The following ROBO2 variants were observed in gnomAD, a reference collection of about 807,000 sequenced individuals.
ROBO2 encodes the protein roundabout homolog 2.
ROBO2 carries 53 observed loss-of-function variants against 160.8 expected under a neutral mutation model. That is an observed-to-expected ratio of 0.33 (90% CI 0.26 to 0.41). ROBO2 has a LOEUF of 0.41. Among genes scored for constraint, ROBO2 ranks in the 10% least tolerant of loss-of-function variants. ROBO2 has a pLI of 1.00. For missense variants in ROBO2, 1,577 were observed against 1,722.4 expected (o/e 0.92, Z 1.49); for synonymous variants, 664 against 611.7 (o/e 1.09, Z -1.26).
At chr3:77,440,375 C>T (rs2079787192) in intron 2 of ROBO2, among the ~76,000 whole-genome samples, 1 of 152,056 alleles carries the variant, frequency 6.6e-6, no homozygotes, top group African/African-American at 2.4e-5. Flanking sequence ...GTCTTTTGAT[C>T]TAAATAAAAG....
chr3:76,902,763 T>C (rs561334757), intron 2 of ROBO2, among the ~76,000 whole-genome samples: 12 of 152,026 alleles, frequency 7.9e-5, no homozygotes, highest in Non-Finnish European at 1.5e-4. Context: ...TGTAGAATTT[T>C]ATAAAAGTTT....
intron 2 of ROBO2, among the ~76,000 whole-genome samples, chr3:77,347,690 C>A (rs1366883218): frequency 1.3e-5 from 2 of 151,980 alleles, no homozygotes; most frequent in African/African-American, 4.8e-5. Flanking sequence ...TCTAAATAGA[C>A]CCCAAATTAG....
At chr3:76,827,579 G>A (rs980495311) in intron 2 of ROBO2, among the ~76,000 whole-genome samples, 1 of 152,074 alleles carries the variant, frequency 6.6e-6, no homozygotes, top group Non-Finnish European at 1.5e-5. Context: ...ACATTACAGG[G>A]TTCAAGTTTA....
intron 2 of ROBO2, among the ~76,000 whole-genome samples, chr3:76,637,424 A>T (rs894692155): frequency 4.8e-5 from 2 of 41,894 alleles, no homozygotes; most frequent in South Asian, 9.5e-4. Context: ...TTCTAGAAAT[A>T]AAAAAAAAAA....
intron 2 of ROBO2, among the ~76,000 whole-genome samples, chr3:76,077,137 TCAATAATTAATTGAGTC>T (rs2068668932): frequency 6.6e-6 from 1 of 152,212 alleles, no homozygotes; most frequent in African/African-American, 2.4e-5. Flanking sequence ...AATGGCAACT[TCAATAATTAATTGAGTC>T]CATGAATGGA....
chr3:77,113,151 G>A (rs1013223497), intron 2 of ROBO2, among the ~76,000 whole-genome samples: 2 of 152,186 alleles, frequency 1.3e-5, no homozygotes, highest in Non-Finnish European at 2.9e-5. Flanking sequence ...TAAATCAATT[G>A]CATTTTGTAG....
At chr3:77,632,450 C>T (rs1468936444) in intron 23 of ROBO2, 9 of 1,509,610 alleles carry the variant, frequency 6.0e-6, no homozygotes, top group Non-Finnish European at 8.0e-6. Flanking sequence ...ATACAACTCA[C>T]TAGACAACTA....
intron 2 of ROBO2, among the ~76,000 whole-genome samples, chr3:77,269,204 C>G (rs112488491): frequency 0.026 from 3,935 of 152,162 alleles, 58 homozygotes; most frequent in Middle Eastern, 0.041. Context: ...ATTTCATGTA[C>G]ACATATGCTG....
At chr3:77,081,081 A>G (rs1193724479) in intron 1 of ROBO2, among the ~76,000 whole-genome samples, 1 of 152,174 alleles carries the variant, frequency 6.6e-6, no homozygotes, top group East Asian at 1.9e-4. Context: ...TGTGTTTGAC[A>G]TCTATGGGCT....
At chr3:77,277,298 C>T (rs542640587) in intron 2 of ROBO2, among the ~76,000 whole-genome samples, 1 of 147,872 alleles carries the variant, frequency 6.8e-6, no homozygotes, top group African/African-American at 2.5e-5. Context: ...TTTTTGTCTT[C>T]AACTATTATT....
At chr3:76,046,635 C>A (rs926921081) in intron 2 of ROBO2, among the ~76,000 whole-genome samples, 1 of 151,818 alleles carries the variant, frequency 6.6e-6, no homozygotes, top group Non-Finnish European at 1.5e-5. Context: ...GTGACAGAGC[C>A]AGACTCCGTC....
chr3:77,390,930 G>A (rs1023788462), intron 2 of ROBO2, among the ~76,000 whole-genome samples: 2 of 151,970 alleles, frequency 1.3e-5, no homozygotes, highest in African/African-American at 4.8e-5. Flanking sequence ...GCGAATGAAA[G>A]TTTTCCCTCC....
At chr3:76,026,732 C>T (rs2066758686) in intron 2 of ROBO2, among the ~76,000 whole-genome samples, 1 of 151,868 alleles carries the variant, frequency 6.6e-6, no homozygotes, top group East Asian at 1.9e-4. Context: ...TATTTTATTT[C>T]AGGTTGCAAC....
At chr3:76,448,923 T>C (rs2077332817) in intron 2 of ROBO2, among the ~76,000 whole-genome samples, 2 of 152,138 alleles carry the variant, frequency 1.3e-5, no homozygotes, top group Non-Finnish European at 2.9e-5. Flanking sequence ...ATGAACAAGC[T>C]GGACCCTAGA....
At chr3:77,584,892 A>ATGTGTGTGTG (rs71104693) in intron 16 of ROBO2, among the ~76,000 whole-genome samples, 26 of 147,316 alleles carry the variant, frequency 1.8e-4, no homozygotes, top group African/African-American at 6.4e-4. Context: ...ATATATATGT[A>ATGTGTGTGTG]TGTGTGTGTG....
At chr3:77,128,659 T>G (rs2075570847) in intron 2 of ROBO2, among the ~76,000 whole-genome samples, 1 of 152,248 alleles carries the variant, frequency 6.6e-6, no homozygotes, top group Non-Finnish European at 1.5e-5. Context: ...CCATGATATT[T>G]AATGGTGGAC....
At chr3:77,351,708 G>T (rs1560597531) in intron 2 of ROBO2, among the ~76,000 whole-genome samples, 1 of 152,070 alleles carries the variant, frequency 6.6e-6, no homozygotes, top group Non-Finnish European at 1.5e-5. Flanking sequence ...AATTAACCAG[G>T]TTCTCTAATC....
At chr3:76,638,701 G>C (rs1373093254) in intron 2 of ROBO2, among the ~76,000 whole-genome samples, 1 of 152,080 alleles carries the variant, frequency 6.6e-6, no homozygotes, top group African/African-American at 2.4e-5. Context: ...AAATTATAGT[G>C]ATGAAGTTCT....
intron 2 of ROBO2, among the ~76,000 whole-genome samples, chr3:76,840,051 C>A (rs2068073387): frequency 6.6e-6 from 1 of 151,832 alleles, no homozygotes; most frequent in South Asian, 2.1e-4. Flanking sequence ...AGTCTTCTCT[C>A]TTTTTTCTTA....
Sources: allele counts gnomAD v4.1 joint callset (sites outside exome capture counted in the v4.1 genomes callset), GRCh38; gene constraint gnomAD v4.1.1; transcripts MANE v1.5; gene names NCBI Gene and HGNC (gene_info 2026-07-23, HGNC 2026-07-21).